OTC: variants seen among roughly 807,000 people sequenced by gnomAD.
OTC encodes ornithine transcarbamylase, also known as ornithine transcarbamylase, mitochondrial.
In OTC, 3 loss-of-function variants were observed where a neutral mutation model predicts 30.3. The ratio of observed to expected loss-of-function variants is 0.10; its 90% confidence interval spans 0.05 to 0.26. The LOEUF is 0.26. Among genes scored for constraint, OTC ranks in the 10% least tolerant of loss-of-function variants. The probability of loss-of-function intolerance (pLI) is 1.00; values close to 1 mark genes in which losing one functional copy is unlikely to be tolerated. For synonymous variants in OTC, 111 were observed against 99.7 expected (o/e 1.11, Z -0.67); for missense variants, 194 against 260.3 (o/e 0.75, Z 1.75).
intron 4 of OTC, among the ~76,000 whole-genome samples, chrX:38,397,279 A>G (rs2068462583): frequency 8.9e-6 from 1 of 111,794 alleles, no homozygotes; most frequent in African/African-American, 3.3e-5. Flanking sequence ...ATTACTACAA[A>G]TGATCACAAC....
chrX:38,415,442 C>A (rs1341410965), intron 9 of OTC, among the ~76,000 whole-genome samples: 1 of 111,571 alleles, frequency 9.0e-6, no homozygotes, highest in Non-Finnish European at 1.9e-5. Context: ...TGCCGTGATA[C>A]ATTTTTCTAA....
At chrX:38,370,957 T>G (rs5917583) in intron 3 of OTC, among the ~76,000 whole-genome samples, 29,201 of 109,968 alleles carry the variant, frequency 0.27, 3,405 homozygotes, top group African/African-American at 0.41. Context: ...CTGGGTGCCA[T>G]GGAGCTCTAT....
At chrX:38,331,211 G>A in the OTC span, among the ~76,000 whole-genome samples, 1 of 111,376 alleles carries the variant, frequency 9.0e-6, no homozygotes, top group East Asian at 2.8e-4. Flanking sequence ...GCCTTAGCTA[G>A]GAGGAGATAC....
chrX:38,411,476 G>A (rs943189084), intron 8 of OTC, among the ~76,000 whole-genome samples: 2 of 109,950 alleles, frequency 1.8e-5, no homozygotes, highest in African/African-American at 3.3e-5. Context: ...AACCAGCCTG[G>A]CCAATATGGT....
At chrX:38,384,993 G>A (rs886913322) in intron 4 of OTC, among the ~76,000 whole-genome samples, 3 of 111,486 alleles carry the variant, frequency 2.7e-5, no homozygotes, top group Non-Finnish European at 5.7e-5. Context: ...GGCTGGGTGC[G>A]GTGGCTCACG....
intron 1 of OTC, among the ~76,000 whole-genome samples, chrX:38,363,141 A>G (rs962860797): frequency 9.0e-6 from 1 of 111,637 alleles, no homozygotes; most frequent in South Asian, 3.8e-4. Flanking sequence ...TCAAGACAAA[A>G]AATTGAGGGC....
chrX:38,364,722 G>A (rs745780701), intron 1 of OTC, among the ~76,000 whole-genome samples: 10 of 109,897 alleles, frequency 9.1e-5, no homozygotes, highest in South Asian at 3.9e-4. Flanking sequence ...AACCCAGGAG[G>A]TGGAGGCTGC....
rs747726355 is a variant in OTC, at chrX:38,391,733, G to C, written c.387-9542G>C. Among the ~76,000 whole-genome samples, 281 of 111,098 alleles carry C rather than the reference G, an allele frequency of 2.5e-3. 1 individual carries two copies. The highest frequency in any genetic ancestry group is 8.3e-3 in the African/African-American group (255 of 30,594). ...GTCTTCGATAACTCTCTTGCTTTGT[G>C]GTGTGACAAGATGTTCCAGGCTCAT... On this transcript the variant is annotated intron_variant, in intron 4 of 9. Coordinates refer to ENST00000039007, the MANE Select transcript of OTC (RefSeq NM_000531.6).
the OTC span, among the ~76,000 whole-genome samples, chrX:38,336,250 T>C: frequency 9.1e-6 from 1 of 110,048 alleles, no homozygotes. Flanking sequence ...GAGCAGTATA[T>C]CTTGAGAGAA....
chrX:38,395,687 C>T (rs1365066237), intron 4 of OTC: 2 of 147,329 alleles, frequency 1.4e-5, no homozygotes, highest in African/African-American at 6.3e-5. Context: ...ACAGCAGGTT[C>T]TGTTTTGTTC....
At chrX:38,362,278 C>T (rs190564360) in intron 1 of OTC, among the ~76,000 whole-genome samples, 67 of 111,498 alleles carry the variant, frequency 6.0e-4, no homozygotes, top group African/African-American at 2.1e-3. Context: ...GACTAGATCT[C>T]ATGTTAAGTG....
intron 1 of OTC, 107 bp from the exon 2 acceptor site, chrX:38,367,184 A>AG: frequency 1.4e-6 from 1 of 717,270 alleles, no homozygotes; most frequent in Non-Finnish European, 2.1e-6. Flanking sequence ...CAAAAAAAAA[A>AG]AAAAGAAAAG....
the OTC span, among the ~76,000 whole-genome samples, chrX:38,331,566 G>T: frequency 9.4e-6 from 1 of 106,034 alleles, no homozygotes; most frequent in Admixed American, 1.0e-4. Flanking sequence ...TTATAGGCGT[G>T]AGCCACCACG....
chrX:38,372,654 A>G (rs1276318663), intron 3 of OTC, among the ~76,000 whole-genome samples: 3 of 112,588 alleles, frequency 2.7e-5, no homozygotes, highest in Non-Finnish European at 5.6e-5. Flanking sequence ...TATCCTCAAT[A>G]ATTGCATATG....
Position 38,363,300 on chromosome X carries a change from C to G in OTC, c.78-3991C>G, listed in dbSNP as rs138112595. Among the ~76,000 whole-genome samples, 445 of 111,809 alleles carry G rather than the reference C, an allele frequency of 4.0e-3. 2 individuals are homozygous for G. Among genetic ancestry groups the G allele is most frequent in the African/African-American group, 0.014 (423 of 30,745 alleles). ...CTTTTAAAATAATATTAGAGGAAGT[C>G]TTAAGCCAAGGAATATCAATGTGTT... On this transcript the variant is annotated intron_variant, in intron 1 of 9. Coordinates refer to ENST00000039007, the MANE Select transcript of OTC (RefSeq NM_000531.6).
At chrX:38,350,461 C>T (rs975522498), upstream of OTC, among the ~76,000 whole-genome samples, 3 of 111,533 alleles carry the variant, frequency 2.7e-5, no homozygotes, top group Non-Finnish European at 5.6e-5. Flanking sequence ...ATGGGGTCAA[C>T]AAGAGCCCCT....
chrX:38,331,551 T>C, the OTC span, among the ~76,000 whole-genome samples: 1 of 106,648 alleles, frequency 9.4e-6, no homozygotes, highest in African/African-American at 3.4e-5. Context: ...CCCAAAGTGC[T>C]GGGATTATAG....
intron 1 of OTC, among the ~76,000 whole-genome samples, chrX:38,355,055 ACTC>A (rs1348754624): frequency 9.0e-6 from 1 of 111,450 alleles, no homozygotes; most frequent in East Asian, 2.8e-4. Context: ...TGAGTTTACT[ACTC>A]CAGAATAATA....
intron 2 of OTC, among the ~76,000 whole-genome samples, 175 bp from the exon 3 acceptor site, chrX:38,369,621 A>C (rs2068314045): frequency 9.1e-6 from 1 of 109,824 alleles, no homozygotes; most frequent in Admixed American, 9.8e-5. Flanking sequence ...TTGGCCTCCC[A>C]AAGTGCTGGG....
Sources: gnomAD v4.1 joint callset for allele counts (sites outside exome capture counted in the v4.1 genomes callset) on GRCh38, gnomAD v4.1.1 for gene constraint, MANE v1.5 for transcripts, NCBI Gene and HGNC (gene_info 2026-07-23, HGNC 2026-07-21) for gene names.